The following ZC4H2 variants were observed in gnomAD, a reference collection of about 807,000 sequenced individuals.
ZC4H2 encodes the protein zinc finger C4H2-type containing.
For synonymous variants in ZC4H2, 84 were observed against 66.3 expected, an observed-to-expected ratio of 1.27 and a Z score of -1.30; for missense variants, 137 against 173.9, an observed-to-expected ratio of 0.79 and a Z score of 1.19.
chrX:64,938,149 A>G (rs754356112), intron 1 of ZC4H2, among the ~76,000 whole-genome samples: 1 of 112,378 alleles, frequency 8.9e-6, no homozygotes, highest in South Asian at 3.7e-4. Context: ...AGAGAATACT[A>G]TGAACACCTC....
intron 1 of ZC4H2, among the ~76,000 whole-genome samples, chrX:64,930,614 T>G (rs1929697135): frequency 8.9e-6 from 1 of 112,329 alleles, no homozygotes; most frequent in Non-Finnish European, 1.9e-5. Flanking sequence ...CTGCATCTAT[T>G]GAGCTAATCA....
At chrX:64,931,309 T>C (rs1929731041) in intron 1 of ZC4H2, among the ~76,000 whole-genome samples, 1 of 112,230 alleles carries the variant, frequency 8.9e-6, no homozygotes, top group Admixed American at 9.5e-5. Flanking sequence ...AGCTTTTTGT[T>C]TCATTTATCT....
intron 1 of ZC4H2, among the ~76,000 whole-genome samples, chrX:65,010,599 C>T (rs1340020623): frequency 9.0e-6 from 1 of 111,513 alleles, no homozygotes; most frequent in Non-Finnish European, 1.9e-5. Flanking sequence ...TGTAAAAGAG[C>T]CACAAATTAA....
intron 1 of ZC4H2, among the ~76,000 whole-genome samples, chrX:65,001,203 A>C (rs1288031272): frequency 8.9e-6 from 1 of 111,861 alleles, no homozygotes; most frequent in African/African-American, 3.3e-5. Flanking sequence ...CAGGTTACCC[A>C]CAAAGGGAAG....
At chrX:65,027,304 G>A (rs1932889650) in intron 1 of ZC4H2, among the ~76,000 whole-genome samples, 2 of 111,796 alleles carry the variant, frequency 1.8e-5, no homozygotes, top group Admixed American at 9.5e-5. Context: ...GTTTTTAGCA[G>A]GGAGAGAATT....
chrX:64,967,056 A>G (rs1222700844), intron 1 of ZC4H2, among the ~76,000 whole-genome samples: 1 of 111,725 alleles, frequency 9.0e-6, no homozygotes, highest in African/African-American at 3.2e-5. Flanking sequence ...TTTTCCCAGA[A>G]AAATAAATGA....
Position 64,924,849 on chromosome X carries a change from C to A in ZC4H2, c.54-2861G>T, listed in dbSNP as rs1197010838. On this transcript the variant is annotated intron_variant, in intron 1 of 4. Coordinates refer to ENST00000374839, the MANE Select transcript of ZC4H2 (RefSeq NM_018684.4). ...AGATAAAACTAGGGAGGTTGACAGGCCCTAAAACATAGCTTGGAGAATGGG... is the reference window on the plus strand; with the variant it reads ...AGATAAAACTAGGGAGGTTGACAGGACCTAAAACATAGCTTGGAGAATGGG... Among the ~76,000 whole-genome samples the A allele has an allele frequency of 4.5e-5, 5 of 110,766 alleles. No individual in the cohort carries two copies. The East Asian group carries it at 1.4e-3, about 32-fold the overall frequency.
At chrX:65,005,152 C>T (rs954568400) in intron 1 of ZC4H2, among the ~76,000 whole-genome samples, 1 of 111,904 alleles carries the variant, frequency 8.9e-6, no homozygotes, top group African/African-American at 3.3e-5. Flanking sequence ...AATGGCCATA[C>T]TGCCCGAAGT....
chrX:64,918,843 T>C, intron 4 of ZC4H2, 199 bp downstream of exon 4: 2 of 389,057 alleles, frequency 5.1e-6, no homozygotes. Context: ...CTAACACCTC[T>C]GGGAACATGG....
intron 1 of ZC4H2, among the ~76,000 whole-genome samples, chrX:64,928,779 CTTCTTCTTCTT>C (rs1276512521): frequency 1.0e-5 from 1 of 99,459 alleles, no homozygotes; most frequent in Non-Finnish European, 2.0e-5. Context: ...TTCTTCTTCT[CTTCTTCTTCTT>C]TTTCTTCTCC....
chrX:64,929,961 G>A (rs1202006945), intron 1 of ZC4H2, among the ~76,000 whole-genome samples: 1 of 111,560 alleles, frequency 9.0e-6, no homozygotes, highest in Non-Finnish European at 1.9e-5. Context: ...ACTTTGGGCA[G>A]TATGGTCATT....
chrX:64,973,245 T>C (rs555586514), intron 1 of ZC4H2, among the ~76,000 whole-genome samples: 1 of 110,917 alleles, frequency 9.0e-6, no homozygotes, highest in African/African-American at 3.3e-5. Context: ...TTCTTTGCCC[T>C]GCCTGCCTGT....
chrX:64,918,635 C>T (rs1353081560), intron 4 of ZC4H2: 1 of 122,497 alleles, frequency 8.2e-6, no homozygotes, highest in African/African-American at 3.2e-5. Flanking sequence ...ACCAGTTTTG[C>T]ATCTAACTTT....
At chrX:65,002,386 C>T (rs1388339695) in intron 1 of ZC4H2, among the ~76,000 whole-genome samples, 4 of 108,936 alleles carry the variant, frequency 3.7e-5, no homozygotes, top group Non-Finnish European at 3.9e-5. Context: ...CCGCCCCGTC[C>T]GGGAGGGAGG....
chrX:64,942,956 G>A (rs1182011395), intron 1 of ZC4H2, among the ~76,000 whole-genome samples: 1 of 112,096 alleles, frequency 8.9e-6, no homozygotes, highest in African/African-American at 3.2e-5. Flanking sequence ...CAGTGTAAAA[G>A]TGTTCCTATT....
chrX:64,947,341 A>T (rs915558786), intron 1 of ZC4H2, among the ~76,000 whole-genome samples: 20 of 111,743 alleles, frequency 1.8e-4, no homozygotes, highest in Non-Finnish European at 3.8e-4. Flanking sequence ...ATAAATGTCA[A>T]TGAGATTCTG....
At chrX:64,950,314 T>C (rs1930738462) in intron 1 of ZC4H2, among the ~76,000 whole-genome samples, 1 of 111,949 alleles carries the variant, frequency 8.9e-6, no homozygotes, top group African/African-American at 3.3e-5. Flanking sequence ...CTGAGAAGAA[T>C]GTATATTCTG....
intron 1 of ZC4H2, among the ~76,000 whole-genome samples, chrX:64,939,577 G>C (rs1930171937): frequency 8.9e-6 from 1 of 111,738 alleles, no homozygotes; most frequent in Non-Finnish European, 1.9e-5. Context: ...GCATGCTACT[G>C]GTACCAAAAC....
rs546036668 is a variant in ZC4H2 at position 65,023,893 on chromosome X, C to T, written c.-272+10736G>A. Among the ~76,000 whole-genome samples, 453 of 111,696 alleles carry T rather than the reference C, an allele frequency of 4.1e-3. 1 individual carries two copies. The highest frequency in any genetic ancestry group is 7.6e-3 in the Non-Finnish European group (404 of 53,033). ...AATGATAGACTGGATAAAGAAAATG[C>T]GGCACATATACACCATGGAATACTA... is the stretch of plus-strand genomic sequence containing the variant. On this transcript the variant is annotated intron_variant, in intron 1 of 4. Coordinates refer to the ZC4H2 transcript ENST00000337990.
Sources: allele counts gnomAD v4.1 joint callset (sites outside exome capture counted in the v4.1 genomes callset), GRCh38; gene constraint gnomAD v4.1.1; transcripts MANE v1.5; gene names NCBI Gene and HGNC (gene_info 2026-07-23, HGNC 2026-07-21).